Variants in ANKRD12 observed in about 807,000 individuals in gnomAD.
ANKRD12 encodes ankyrin repeat domain 12.
ANKRD12 carries 85 observed loss-of-function variants against 183.4 expected under a neutral mutation model. The ratio of observed to expected loss-of-function variants is 0.46; its 90% confidence interval spans 0.39 to 0.56. ANKRD12 has a LOEUF of 0.56. Among genes scored for constraint, ANKRD12 ranks in the 20% least tolerant of loss-of-function variants. The pLI is 0.00. For synonymous variants in ANKRD12, 914 were observed against 800.2 expected (o/e 1.14, Z -2.40); for missense variants, 2,405 against 2,357.1 (o/e 1.02, Z -0.42).
intron 3 of ANKRD12, among the ~76,000 whole-genome samples, chr18:9,197,564 T>C (rs1487528226): frequency 1.3e-5 from 2 of 152,200 alleles, no homozygotes; most frequent in South Asian, 4.1e-4. Context: ...AAACAGTCAA[T>C]TAACACATCT....
chr18:9,184,612 C>T (rs1014067736), intron 2 of ANKRD12, among the ~76,000 whole-genome samples: 2 of 152,148 alleles, frequency 1.3e-5, no homozygotes, highest in East Asian at 3.9e-4. Flanking sequence ...CTCAAGTGAG[C>T]CACCTGCCTC....
At chr18:9,209,404 A>G (rs943262958) in intron 5 of ANKRD12, among the ~76,000 whole-genome samples, 9 of 152,140 alleles carry the variant, frequency 5.9e-5, no homozygotes, top group African/African-American at 2.2e-4. Context: ...GTCTGGAGAA[A>G]ATTTCTTTTG....
rs148724612 is a variant in ANKRD12 at position 9,264,732 on chromosome 18, G to A, written c.5763+844G>A. ...GCAATTTGTTAGCAATAAGAAGTCA[G>A]GTAATATAACACACATCAATAGCTA... is the stretch of plus-strand genomic sequence containing the variant. On this transcript the variant is annotated intron_variant, in intron 10 of 12. Coordinates refer to ENST00000262126, the MANE Select transcript of ANKRD12 (RefSeq NM_015208.5). Among the ~76,000 whole-genome samples, 5 of 152,138 alleles carry A rather than the reference G, an allele frequency of 3.3e-5. No homozygotes were observed. In the East Asian group the frequency reaches 9.6e-4, roughly 29 times the overall value.
chr18:9,242,519 A>C (rs1181754591), intron 8 of ANKRD12, among the ~76,000 whole-genome samples: 1 of 152,140 alleles, frequency 6.6e-6, no homozygotes, highest in African/African-American at 2.4e-5. Flanking sequence ...AAAATGTTTT[A>C]TCTAGCCATG....
intron 5 of ANKRD12, among the ~76,000 whole-genome samples, chr18:9,211,054 C>G (rs2035777155): frequency 6.6e-6 from 1 of 151,712 alleles, no homozygotes; most frequent in South Asian, 2.1e-4. Flanking sequence ...ATATGAGAAT[C>G]AAGGCAAAGC....
At chr18:9,201,049 A>G (rs2035135804) in intron 3 of ANKRD12, among the ~76,000 whole-genome samples, 2 of 152,220 alleles carry the variant, frequency 1.3e-5, no homozygotes, top group African/African-American at 4.8e-5. Context: ...TTGTTTCTGC[A>G]TCTGATTAGT....
intron 8 of ANKRD12, chr18:9,239,484 A>G (rs1161416661): frequency 1.2e-5 from 15 of 1,279,966 alleles, no homozygotes; most frequent in Non-Finnish European, 1.5e-5. Flanking sequence ...CAGAATATTT[A>G]TTTTCCACAT....
chr18:9,231,030 G>T (rs1399658773), intron 8 of ANKRD12, among the ~76,000 whole-genome samples: 1 of 152,046 alleles, frequency 6.6e-6, no homozygotes, highest in East Asian at 1.9e-4. Context: ...TGATCTAGTG[G>T]TCGTTCATGA....
intron 1 of ANKRD12, among the ~76,000 whole-genome samples, chr18:9,172,504 G>T (rs969828909): frequency 6.6e-6 from 1 of 152,014 alleles, no homozygotes; most frequent in African/African-American, 2.4e-5. Context: ...TCTCTGCTTG[G>T]TCTATTCTGC....
rs533109506 is a variant in ANKRD12, at chr18:9,165,716, T to A, written c.-51-16666T>A. ...CCTCCTTTTTTTATTTATTTTTATT[T>A]TTTTATTTTATTATTATTCTACTTT... On this transcript the variant is annotated intron_variant, in intron 1 of 12. Transcript: ENST00000262126. Among the ~76,000 whole-genome samples, 137 of 152,196 alleles carry A rather than the reference T, an allele frequency of 9.0e-4. 1 individual carries two copies. The highest frequency in any genetic ancestry group is 3.1e-3 in the African/African-American group (129 of 41,556).
intron 3 of ANKRD12, among the ~76,000 whole-genome samples, chr18:9,196,853 T>G (rs777817741): frequency 5.9e-5 from 9 of 151,982 alleles, no homozygotes; most frequent in Admixed American, 1.3e-4. Flanking sequence ...CTTTTTTTTT[T>G]CCCCCCGAAG....
chr18:9,155,411 A>G (rs2030257126), intron 1 of ANKRD12, among the ~76,000 whole-genome samples: 2 of 152,254 alleles, frequency 1.3e-5, no homozygotes, highest in African/African-American at 2.4e-5. Flanking sequence ...TGGGCATACT[A>G]GTAACACTTC....
At chr18:9,172,025 CAAAA>C (rs60328704) in intron 1 of ANKRD12, among the ~76,000 whole-genome samples, 1 of 125,814 alleles carries the variant, frequency 7.9e-6, no homozygotes, top group Admixed American at 7.9e-5. Flanking sequence ...AGCTCCACCT[CAAAA>C]AAAAAAAAAA....
intron 1 of ANKRD12, among the ~76,000 whole-genome samples, chr18:9,153,565 C>T (rs2029921696): frequency 6.6e-6 from 1 of 152,170 alleles, no homozygotes; most frequent in South Asian, 2.1e-4. Flanking sequence ...GGATGTATTC[C>T]AGACAATTTA....
Position 9,184,704 on chromosome 18 carries a change from A to C in ANKRD12, c.87+2185A>C, listed in dbSNP as rs140253408. ...CCATTTTTAATAAGTAGCTTTATTG[A>C]GATATAATTCGCATGCCATACATTT... On this transcript the variant is annotated intron_variant, in intron 2 of 12. Coordinates refer to ENST00000262126, the MANE Select transcript of ANKRD12 (RefSeq NM_015208.5). Among the ~76,000 whole-genome samples the C allele has an allele frequency of 2.8e-3, 431 of 152,184 alleles. 4 individuals carry two copies. Among genetic ancestry groups the C allele is most frequent in the African/African-American group, 0.01 (417 of 41,434 alleles).
chr18:9,141,358 C>T (rs1433165859), intron 1 of ANKRD12, among the ~76,000 whole-genome samples: 1 of 152,138 alleles, frequency 6.6e-6, no homozygotes, highest in African/African-American at 2.4e-5. Flanking sequence ...TCTAAAGAGA[C>T]ATTCTTTCAT....
At chr18:9,264,260 T>C (rs2039150648) in intron 10 of ANKRD12, among the ~76,000 whole-genome samples, 2 of 152,222 alleles carry the variant, frequency 1.3e-5, no homozygotes, top group African/African-American at 4.8e-5. Flanking sequence ...GCTATGCTTA[T>C]TTGTCCACGT....
At chr18:9,162,019 C>A (rs987759938) in intron 1 of ANKRD12, among the ~76,000 whole-genome samples, 2 of 152,070 alleles carry the variant, frequency 1.3e-5, no homozygotes, top group African/African-American at 4.8e-5. Flanking sequence ...CATGCCACCA[C>A]ACCCAGCCAA....
chr18:9,177,862 C>T (rs1045436562), intron 1 of ANKRD12, among the ~76,000 whole-genome samples: 11 of 152,104 alleles, frequency 7.2e-5, no homozygotes, highest in South Asian at 2.1e-4. Context: ...AATGAGGTTG[C>T]GCATCTTTTC....
Sources: allele counts gnomAD v4.1 joint callset (sites outside exome capture counted in the v4.1 genomes callset), GRCh38; gene constraint gnomAD v4.1.1; transcripts MANE v1.5; gene names NCBI Gene and HGNC (gene_info 2026-07-23, HGNC 2026-07-21).